NPC1L1: variants seen among roughly 807,000 people sequenced by gnomAD.
The protein encoded by NPC1L1 is NPC1 like intracellular cholesterol transporter 1.
Under a neutral mutation model 117.0 loss-of-function variants are expected in NPC1L1, and 98 were observed. That is an observed-to-expected ratio of 0.84 (90% CI 0.71 to 0.99). The LOEUF (loss-of-function observed/expected upper bound fraction) is 0.99. NPC1L1 is among the 50% of genes least tolerant of loss of function. NPC1L1 has a pLI of 0.00. For missense variants in NPC1L1, 1,540 were observed against 1,710.0 expected (o/e 0.90, Z 1.75); for synonymous variants, 729 against 727.6 (o/e 1.00, Z -0.03).
At chr7:44,532,295 T>G (rs1380244454) in intron 8 of NPC1L1, 78 bp from the exon 9 acceptor site, 2 of 1,581,800 alleles carry the variant, frequency 1.3e-6, no homozygotes, top group Non-Finnish European at 1.7e-6. Context: ...CCCCAGGGAG[T>G]GTCACCTTCT....
intron 10 of NPC1L1, among the ~76,000 whole-genome samples, chr7:44,523,626 G>A (rs532988323): frequency 6.6e-5 from 10 of 152,114 alleles, no homozygotes; most frequent in Non-Finnish European, 1.0e-4. Flanking sequence ...AGAACTTTGG[G>A]AGGGCAAGCA....
chr7:44,521,178 G>T, intron 12 of NPC1L1, 60 bp from the exon 13 acceptor site: 1 of 1,610,360 alleles, frequency 6.2e-7, no homozygotes, highest in Admixed American at 1.7e-5. Flanking sequence ...CCTGCTTTGT[G>T]CCCCTCCTTC....
chr7:44,540,415 A>C, intron 1 of NPC1L1, 73 bp from the exon 2 acceptor site: 3 of 1,342,984 alleles, frequency 2.2e-6, no homozygotes, highest in Non-Finnish European at 3.2e-6. Flanking sequence ...GCAGCCAGGG[A>C]GGGTGTGAGG....
At chr7:44,533,002 A>G (rs930649899) in intron 8 of NPC1L1, among the ~76,000 whole-genome samples, 1 of 152,124 alleles carries the variant, frequency 6.6e-6, no homozygotes, top group Non-Finnish European at 1.5e-5. Context: ...AGTAATTGGG[A>G]GGCTGAGGCA....
In NPC1L1 at chr7:44,534,512, C is replaced by T; in HGVS notation, c.2101G>A (p.Val701Met). ...ACGGACAGCACCAGGAAAGGAACCA[C>T]TTGCAGGATGACCAGGGAGGAGCGG... ...GIRSSLVILQ[V>M]VPFLVLSVGA... The change falls in exon 6 of 19, where the codon GTG (valine) becomes ATG (methionine). Residue 701 changes from valine (V) to methionine (M), a missense_variant. This residue lies in a region of NPC1L1 where 742 missense variants were observed against 873.6 expected (regional missense o/e 0.85). Coordinates refer to ENST00000381160, the MANE Select transcript of NPC1L1 (RefSeq NM_001101648.2). The surrounding 1 kb of genome is among the most constrained non-coding windows in gnomAD (Gnocchi z 5.2). 7.4e-6 allele frequency: 12 copies of T among 1,614,190 alleles called. No individual in the cohort carries two copies. The highest frequency in any genetic ancestry group is 1.0e-5 in the Non-Finnish European group (12 of 1,180,026).
Position 44,541,296 on chromosome 7 carries a change from A to T in NPC1L1, c.-37T>A. ...GAAGGGGTCAGCGGGGAGCCAGGCC[A>T]GGCCTCAGGAACAGCCAAGGGCTGA... On this transcript the variant is annotated 5_prime_UTR_variant, in exon 1 of 19. Transcript: ENST00000381160. 3.9e-6 allele frequency: 6 copies of T among 1,546,208 alleles called. No individual in the cohort carries two copies. The highest frequency in any genetic ancestry group is 5.2e-6 in the Non-Finnish European group (6 of 1,144,392).
In NPC1L1 at chr7:44,536,187, G is replaced by A; in HGVS notation, c.1854+69C>T. The stretch of plus-strand genomic sequence containing the variant: ...ACTTAGGAAGGGCCAGGGCCAGGAT[G>A]GGGACACAGGAACTGACCCAAGACC... On this transcript the variant is annotated intron_variant, in intron 4 of 18. Coordinates refer to ENST00000381160, the MANE Select transcript of NPC1L1 (RefSeq NM_001101648.2). The surrounding 1 kb of genome is among the most constrained non-coding windows in gnomAD (Gnocchi z 4.7). 1 of 1,602,854 alleles carries A rather than the reference G, an allele frequency of 6.2e-7. No homozygotes were observed. The highest frequency in any genetic ancestry group is 1.7e-5 in the Admixed American group (1 of 60,000).
intron 12 of NPC1L1, 55 bp downstream of exon 12, chr7:44,521,657 G>A: frequency 6.2e-7 from 1 of 1,613,074 alleles, no homozygotes; most frequent in Non-Finnish European, 8.5e-7. Context: ...CCTTTCTGTT[G>A]CCTCAGTTTG....
Position 44,539,533 on chromosome 7 carries a change from G to A in NPC1L1, c.864C>T (p.Ile288=). Residue 288 remains isoleucine (I), a synonymous_variant, in exon 2 of 19, where the codon ATC becomes ATT. Coordinates refer to ENST00000381160, the MANE Select transcript of NPC1L1 (RefSeq NM_001101648.2). This position sits in a 1 kb window ranked among gnomAD's most constrained non-coding sequence, Gnocchi z 4.4. ...LGQMPGSLVL[I]IILCSVFAVV... ...CAGCGAAGACAGAGCAGAGGATGAT[G>A]ATGAGGACCAGACTGCCCGGCATCT... 1.2e-6 allele frequency: 2 copies of A among 1,613,984 alleles called. No individual in the cohort carries two copies. Among genetic ancestry groups the A allele is most frequent in the Non-Finnish European group, 8.5e-7 (1 of 1,179,880 alleles).
chr7:44,521,181 C>T (rs539146678), intron 12 of NPC1L1, 63 bp from the exon 13 acceptor site: 51 of 1,609,782 alleles, frequency 3.2e-5, no homozygotes, highest in Non-Finnish European at 4.3e-5. Flanking sequence ...GCTTTGTGCC[C>T]CTCCTTCCCC....
chr7:44,533,303 CCTGG>C (rs1232021274), intron 8 of NPC1L1, 124 bp downstream of exon 8: 50 of 1,137,642 alleles, frequency 4.4e-5, no homozygotes, highest in Non-Finnish European at 6.3e-5. Flanking sequence ...ATATTACTCT[CCTGG>C]CACAATGCCC....
chr7:44,539,312 G>A lies in NPC1L1; in HGVS notation c.1085C>T (p.Pro362Leu), dbSNP rs200584876. ...PLTILVLSVI[P>L]VVALAAGLVF... Reference sequence around the variant, plus strand: ...CAGGCCCGCTGCCAAGGCCACCACCGGGATGACAGATAGCACCAAGATGGT... The same window carrying A: ...CAGGCCCGCTGCCAAGGCCACCACCAGGATGACAGATAGCACCAAGATGGT... The change falls in exon 2 of 19, where the codon CCG (proline) becomes CTG (leucine). Residue 362 changes from proline (P) to leucine (L), a missense_variant. Pro to Leu is a moderately conservative substitution (Grantham distance 98). Transcript: ENST00000381160. This position sits in a 1 kb window ranked among gnomAD's most constrained non-coding sequence, Gnocchi z 4.4. 28 of 1,614,018 alleles carry A rather than the reference G, an allele frequency of 1.7e-5. 1 individual carries two copies. The highest frequency in any genetic ancestry group is 1.3e-4 in the East Asian group (6 of 44,880).
rs1251248104 is a variant in NPC1L1 at position 44,535,960 on chromosome 7, C to T, written c.1863G>A (p.Leu621=). 6.2e-7 allele frequency: 1 copy of T among 1,613,124 alleles called. No homozygotes were observed. Among genetic ancestry groups the T allele is most frequent in the Non-Finnish European group, 8.5e-7 (1 of 1,180,020 alleles). ...CTGTGGTGCGATTGATCTCGTCTTC[C>T]AGAGAGCGCTGTGGACACACACCCG... ...FQVTFMAERS[L]EDEINRTTAE... is the part of the protein sequence containing the mutation. The change falls in exon 5 of 19, where the codon CTG becomes CTA. Residue 621 remains leucine (L), a synonymous_variant. Coordinates refer to ENST00000381160, the MANE Select transcript of NPC1L1 (RefSeq NM_001101648.2).
At chr7:44,517,980 G>A (rs1416850419) in intron 14 of NPC1L1, among the ~76,000 whole-genome samples, 1 of 151,802 alleles carries the variant, frequency 6.6e-6, no homozygotes, top group East Asian at 2.0e-4. Flanking sequence ...GCCAGGCGTG[G>A]TGGCACACCC....
At chr7:44,540,394 C>G in intron 1 of NPC1L1, 52 bp from the exon 2 acceptor site, 1 of 1,547,670 alleles carries the variant, frequency 6.5e-7, no homozygotes, top group East Asian at 2.2e-5. Context: ...TGGGTGCCAT[C>G]CAGGCAGCAG....
intron 16 of NPC1L1, 49 bp downstream of exon 16, chr7:44,516,654 C>T (rs749337526): frequency 2.8e-6 from 4 of 1,452,808 alleles, no homozygotes; most frequent in Admixed American, 3.8e-5. Flanking sequence ...AGGCTGGATC[C>T]CCAACCACCC....
intron 14 of NPC1L1, among the ~76,000 whole-genome samples, chr7:44,520,306 C>T (rs1215308603): frequency 1.3e-5 from 2 of 152,082 alleles, no homozygotes; most frequent in Non-Finnish European, 2.9e-5. Context: ...GGTCTCCCTA[C>T]TGTTGCCTGG....
chr7:44,537,615 C>G (rs1222562445), intron 2 of NPC1L1, among the ~76,000 whole-genome samples: 1 of 152,352 alleles, frequency 6.6e-6, no homozygotes, highest in Non-Finnish European at 1.5e-5. Flanking sequence ...ACCCCCCTCT[C>G]TCAGATCTCA....
chr7:44,521,611 G>T, intron 12 of NPC1L1, 101 bp downstream of exon 12: 1 of 1,564,096 alleles, frequency 6.4e-7, no homozygotes, highest in Non-Finnish European at 8.8e-7. Flanking sequence ...CCTGCAGGAT[G>T]CGTGGGAGAG....
Sources: gnomAD v4.1 joint callset for allele counts (sites outside exome capture counted in the v4.1 genomes callset) on GRCh38, gnomAD v4.1.1 for gene constraint, gnomAD v4.1.1 regional missense constraint, Gnocchi (gnomAD v3.1) non-coding constraint, MANE v1.5 for transcripts, NCBI Gene and HGNC (gene_info 2026-07-23, HGNC 2026-07-21) for gene names.